The following VEPH1 variants were observed in gnomAD, a reference collection of about 807,000 sequenced individuals.
VEPH1 encodes the protein ventricular zone expressed PH domain containing 1, also known as ventricular zone-expressed PH domain-containing protein homolog 1.
VEPH1 carries 80 observed loss-of-function variants against 85.2 expected under a neutral mutation model. That is an observed-to-expected ratio of 0.94 (90% CI 0.78 to 1.13). The LOEUF (loss-of-function observed/expected upper bound fraction) is 1.13. VEPH1 is among the 50% of genes most tolerant of loss of function. The probability of loss-of-function intolerance (pLI) is 0.00; values close to 1 mark genes in which losing one functional copy is unlikely to be tolerated. For synonymous variants in VEPH1, 297 were observed against 348.0 expected (o/e 0.85, Z 1.63); for missense variants, 955 against 980.5 (o/e 0.97, Z 0.35).
At chr3:157,297,514 G>C (rs925215755) in intron 11 of VEPH1, among the ~76,000 whole-genome samples, 1 of 152,132 alleles carries the variant, frequency 6.6e-6, no homozygotes, top group Non-Finnish European at 1.5e-5. Flanking sequence ...AAATAGATGA[G>C]TGTAATGATA....
intron 9 of VEPH1, among the ~76,000 whole-genome samples, chr3:157,349,442 A>C (rs1724601687): frequency 6.6e-6 from 1 of 152,200 alleles, no homozygotes; most frequent in South Asian, 2.1e-4. Context: ...AATGGAGAAA[A>C]ACTGAAAGCA....
In VEPH1 at chr3:157,317,066, T is replaced by C; in HGVS notation, c.1871A>G (p.Gln624Arg). The change falls in exon 10 of 14, where the codon CAG (glutamine) becomes CGG (arginine). Residue 624 changes from glutamine to arginine, a missense_variant. Physicochemically the swap from Gln to Arg is conservative, Grantham distance 43. Coordinates refer to ENST00000362010, the MANE Select transcript of VEPH1 (RefSeq NM_001167912.2). Reference protein sequence around the residue: ...QPWIQIMFLFQQSLFPEPLSI... With the variant: ...QPWIQIMFLFRQSLFPEPLSI... Reference sequence around the variant, plus strand: ...ATGAACACAAATTATACAAACCTGCTGAAATAGAAACATGATCTGGATCCA... The same window carrying C: ...ATGAACACAAATTATACAAACCTGCCGAAATAGAAACATGATCTGGATCCA... The C allele has an allele frequency of 6.2e-7, 1 of 1,611,234 alleles. No individual in the cohort carries two copies. The highest frequency in any genetic ancestry group is 8.5e-7 in the Non-Finnish European group (1 of 1,178,674).
chr3:157,407,959 C>T (rs1731265010), intron 6 of VEPH1, among the ~76,000 whole-genome samples: 1 of 152,092 alleles, frequency 6.6e-6, no homozygotes, highest in African/African-American at 2.4e-5. Flanking sequence ...GTGGCTGAGT[C>T]AGGACTGAAA....
rs527876746 is a variant in VEPH1 at position 157,373,878 on chromosome 3, G to A, written c.1127+7278C>T. On this transcript the variant is annotated intron_variant, in intron 7 of 13. Transcript: ENST00000362010. The stretch of plus-strand genomic sequence containing the variant: ...CCCGCACTCCATACTGGGGCTGCCC[G>A]AGTCTCTACCCTACTGTGTCCTTAC... Among the ~76,000 whole-genome samples the A allele has an allele frequency of 2.0e-5, 3 of 152,266 alleles. No individual in the cohort carries two copies. The South Asian group carries it at 6.2e-4, about 32-fold the overall frequency.
chr3:157,358,568 C>T (rs189290504), intron 9 of VEPH1, among the ~76,000 whole-genome samples: 1 of 152,272 alleles, frequency 6.6e-6, no homozygotes, highest in Non-Finnish European at 1.5e-5. Flanking sequence ...TAATCAACAT[C>T]CCCCAGATGG....
chr3:157,359,191 C>T (rs532523875), intron 9 of VEPH1, among the ~76,000 whole-genome samples: 3 of 152,092 alleles, frequency 2.0e-5, no homozygotes, highest in Non-Finnish European at 4.4e-5. Flanking sequence ...TTATATTATT[C>T]TTTATAGAAC....
chr3:157,387,887 G>T (rs1052150142), intron 6 of VEPH1, among the ~76,000 whole-genome samples: 5 of 152,158 alleles, frequency 3.3e-5, no homozygotes, highest in African/African-American at 1.2e-4. Context: ...AGAATCACTG[G>T]TCTATGTGGA....
chr3:157,319,707 C>T (rs923056047), intron 9 of VEPH1, among the ~76,000 whole-genome samples: 2 of 152,100 alleles, frequency 1.3e-5, no homozygotes, highest in Non-Finnish European at 1.5e-5. Flanking sequence ...AAAATAGTTT[C>T]TGTCTTTTTC....
intron 9 of VEPH1, among the ~76,000 whole-genome samples, chr3:157,325,269 T>G (rs1434412936): frequency 6.6e-6 from 1 of 151,816 alleles, no homozygotes. Context: ...ATTGCAAAAA[T>G]TTTCTCCCAT....
chr3:157,340,630 C>A (rs1352714663), intron 9 of VEPH1, among the ~76,000 whole-genome samples: 2 of 152,218 alleles, frequency 1.3e-5, no homozygotes, highest in South Asian at 4.1e-4. Context: ...GGAGCAGAAA[C>A]TTCTGCAAAC....
intron 4 of VEPH1, among the ~76,000 whole-genome samples, chr3:157,434,852 T>C (rs1733429353): frequency 6.6e-6 from 1 of 152,180 alleles, no homozygotes; most frequent in Admixed American, 6.5e-5. Flanking sequence ...TAGTTGTCCT[T>C]AAACTTATAA....
intron 9 of VEPH1, among the ~76,000 whole-genome samples, chr3:157,348,040 C>T (rs1270842293): frequency 6.6e-6 from 1 of 152,218 alleles, no homozygotes; most frequent in Non-Finnish European, 1.5e-5. Context: ...CACCTAGCCA[C>T]AGCTGTGTGG....
At chr3:157,266,942 C>T (rs16827378) in intron 12 of VEPH1, among the ~76,000 whole-genome samples, 8,325 of 152,134 alleles carry the variant, frequency 0.055, 664 homozygotes, top group African/African-American at 0.18. Context: ...GCCTGTTTGA[C>T]CCTATGAACA....
chr3:157,400,195 T>A (rs932803959), intron 6 of VEPH1, among the ~76,000 whole-genome samples: 1 of 152,054 alleles, frequency 6.6e-6, no homozygotes, highest in South Asian at 2.1e-4. Flanking sequence ...GGCAAAACAA[T>A]TTTTTAAAAT....
intron 2 of VEPH1, among the ~76,000 whole-genome samples, chr3:157,490,242 C>A (rs1259563048): frequency 2.0e-5 from 3 of 151,452 alleles, no homozygotes; most frequent in African/African-American, 4.8e-5. Context: ...AAAAACAAAG[C>A]AGTGTTAAAG....
chr3:157,376,108 C>G (rs1035915186), intron 7 of VEPH1, among the ~76,000 whole-genome samples: 2 of 152,066 alleles, frequency 1.3e-5, no homozygotes, highest in Non-Finnish European at 2.9e-5. Flanking sequence ...CTGCTTTTTG[C>G]CATCATCATC....
intron 9 of VEPH1, among the ~76,000 whole-genome samples, chr3:157,324,237 T>C (rs1721650636): frequency 6.6e-6 from 1 of 152,072 alleles, no homozygotes; most frequent in Admixed American, 6.6e-5. Flanking sequence ...TTTGTAGTTT[T>C]AGTAGAGATG....
intron 6 of VEPH1, among the ~76,000 whole-genome samples, chr3:157,383,092 A>G (rs896270584): frequency 2.0e-5 from 3 of 152,054 alleles, no homozygotes; most frequent in Non-Finnish European, 4.4e-5. Context: ...GCCTCCCAAA[A>G]TGCTAGGATT....
intron 9 of VEPH1, among the ~76,000 whole-genome samples, chr3:157,321,384 A>G (rs1050335188): frequency 1.3e-5 from 2 of 152,232 alleles, no homozygotes; most frequent in African/African-American, 4.8e-5. Flanking sequence ...AACTCAGAGA[A>G]GCCATTTTGA....
Sources: allele counts gnomAD v4.1 joint callset (sites outside exome capture counted in the v4.1 genomes callset), GRCh38; gene constraint gnomAD v4.1.1; transcripts MANE v1.5; gene names NCBI Gene and HGNC (gene_info 2026-07-23, HGNC 2026-07-21).